CLEC16A: variants seen among roughly 807,000 people sequenced by gnomAD.
The protein encoded by CLEC16A is protein CLEC16A.
CLEC16A carries 51 observed loss-of-function variants against 109.5 expected under a neutral mutation model. The ratio of observed to expected loss-of-function variants is 0.47; its 90% confidence interval spans 0.37 to 0.59. The LOEUF (loss-of-function observed/expected upper bound fraction) is 0.59. CLEC16A is among the 20% of genes least tolerant of loss of function. The probability of loss-of-function intolerance (pLI) is 0.00; values close to 1 mark genes in which losing one functional copy is unlikely to be tolerated. For synonymous variants in CLEC16A, 673 were observed against 564.2 expected (o/e 1.19, Z -2.73); for missense variants, 1,339 against 1,394.0 (o/e 0.96, Z 0.63).
intron 19 of CLEC16A, among the ~76,000 whole-genome samples, chr16:11,120,320 A>T (rs1400750517): frequency 6.6e-6 from 1 of 152,274 alleles, no homozygotes; most frequent in African/African-American, 2.4e-5. Flanking sequence ...TGCAGTAAAC[A>T]TTGGACAGAT....
At chr16:10,969,774 G>A (rs2042693033) in intron 4 of CLEC16A, among the ~76,000 whole-genome samples, 1 of 152,160 alleles carries the variant, frequency 6.6e-6, no homozygotes, top group African/African-American at 2.4e-5. Context: ...ACTCCAGTCA[G>A]GGCTGGTTTT....
intron 9 of CLEC16A, among the ~76,000 whole-genome samples, chr16:10,980,804 G>T (rs2043279200): frequency 6.6e-6 from 1 of 152,110 alleles, no homozygotes; most frequent in African/African-American, 2.4e-5. Flanking sequence ...ATGAAAATGT[G>T]ACCTAAATGT....
intron 23 of CLEC16A, among the ~76,000 whole-genome samples, chr16:11,173,010 T>A (rs1320459128): frequency 3.3e-5 from 5 of 152,018 alleles, no homozygotes; most frequent in Admixed American, 1.3e-4. Flanking sequence ...GCAGGGAGCT[T>A]CCCCGGCTTC....
chr16:10,996,597 C>G (rs1035020197), intron 10 of CLEC16A, among the ~76,000 whole-genome samples: 2 of 152,240 alleles, frequency 1.3e-5, no homozygotes, highest in African/African-American at 4.8e-5. Flanking sequence ...CTAAGCTCCC[C>G]CTATGCCTCC....
At chr16:11,112,039 C>T (rs1029471911) in intron 19 of CLEC16A, among the ~76,000 whole-genome samples, 3 of 152,250 alleles carry the variant, frequency 2.0e-5, no homozygotes, top group Non-Finnish European at 4.4e-5. Context: ...GTGTAGAGTT[C>T]TCCCTACCGT....
At chr16:10,959,014 G>GGGGT (rs756181813) in intron 2 of CLEC16A, among the ~76,000 whole-genome samples, 1 of 146,190 alleles carries the variant, frequency 6.8e-6, no homozygotes, top group African/African-American at 2.5e-5. Flanking sequence ...ACTAAACACG[G>GGGGT]GTGTGTGTGT....
chr16:11,023,567 T>C (rs2046241894), intron 12 of CLEC16A, among the ~76,000 whole-genome samples: 1 of 152,100 alleles, frequency 6.6e-6, no homozygotes, highest in South Asian at 2.1e-4. Context: ...AGTTTTTGTG[T>C]GTCACGTGTG....
rs1171877165 is a variant in CLEC16A, at chr16:11,018,659, G to A, written c.1304-1534G>A. 4.7e-5 allele frequency among the ~76,000 whole-genome samples: 7 copies of A among 149,008 alleles called. No individual in the cohort carries two copies. In the East Asian group the frequency reaches 1.4e-3, roughly 29 times the overall value. On this transcript the variant is annotated intron_variant, in intron 11 of 23. Coordinates refer to ENST00000409790, the MANE Select transcript of CLEC16A (RefSeq NM_015226.3). ...AGCTACTCAGGAGGCTGAGGCAGGAGAATGGTGTGAACCTGGGAGGCGGAG... is the reference window on the plus strand; with the variant it reads ...AGCTACTCAGGAGGCTGAGGCAGGAAAATGGTGTGAACCTGGGAGGCGGAG...
At chr16:11,108,954 CA>C (rs1410758529) in intron 19 of CLEC16A, among the ~76,000 whole-genome samples, 1 of 151,844 alleles carries the variant, frequency 6.6e-6, no homozygotes, top group African/African-American at 2.4e-5. Context: ...ACTAAAAATA[CA>C]AACAAATTAG....
intron 19 of CLEC16A, among the ~76,000 whole-genome samples, chr16:11,094,880 T>A: frequency 6.6e-6 from 1 of 152,342 alleles, no homozygotes; most frequent in East Asian, 1.9e-4. Context: ...AAAGGGGCTG[T>A]GGGCCTTTAA....
chr16:11,058,172 C>T (rs1247822675), intron 18 of CLEC16A, among the ~76,000 whole-genome samples: 1 of 152,212 alleles, frequency 6.6e-6, no homozygotes, highest in Non-Finnish European at 1.5e-5. Flanking sequence ...AATCGGCCCG[C>T]CTCAGATTCA....
chr16:11,082,126 C>CATGT (rs1224732726), intron 19 of CLEC16A, among the ~76,000 whole-genome samples: 1 of 152,218 alleles, frequency 6.6e-6, no homozygotes, highest in Admixed American at 6.5e-5. Flanking sequence ...AAGGTTCGTG[C>CATGT]ATGTCTCCCT....
At chr16:11,030,024 T>G (rs2152825631) in intron 13 of CLEC16A, among the ~76,000 whole-genome samples, 1 of 152,350 alleles carries the variant, frequency 6.6e-6, no homozygotes, top group African/African-American at 2.4e-5. Context: ...TCCACTTAAT[T>G]ATTTTGAGAT....
intron 11 of CLEC16A, among the ~76,000 whole-genome samples, chr16:11,016,344 CT>C (rs1157065905): frequency 6.4e-5 from 7 of 109,054 alleles, no homozygotes; most frequent in South Asian, 5.4e-4. Context: ...TCTTTTTTTT[CT>C]TTTTTTTTCT....
intron 19 of CLEC16A, among the ~76,000 whole-genome samples, chr16:11,099,432 A>G (rs2050782966): frequency 6.6e-6 from 1 of 152,266 alleles, no homozygotes; most frequent in Middle Eastern, 3.2e-3. Flanking sequence ...GGATAGCAAG[A>G]CAACGGAAAA....
In CLEC16A at chr16:10,957,779, C is replaced by T. The variant is rs1451785781; in HGVS notation, c.81-3C>T. ...TAATTTCCTTTTCTCTCATTTCTCTCAGGTATCTGTACCACGTTTTGACCA... is the reference window on the plus strand; with the variant it reads ...TAATTTCCTTTTCTCTCATTTCTCTTAGGTATCTGTACCACGTTTTGACCA... On this transcript the variant is annotated splice_polypyrimidine_tract_variant and splice_region_variant and intron_variant, in intron 1 of 23. Coordinates refer to ENST00000409790, the MANE Select transcript of CLEC16A (RefSeq NM_015226.3). 2 of 1,613,650 alleles carry T rather than the reference C, an allele frequency of 1.2e-6. No homozygotes were observed. The highest frequency in any genetic ancestry group is 1.1e-5 in the South Asian group (1 of 91,070).
At chr16:11,008,900 G>A (rs1314161140) in intron 11 of CLEC16A, among the ~76,000 whole-genome samples, 1 of 151,736 alleles carries the variant, frequency 6.6e-6, no homozygotes, top group Non-Finnish European at 1.5e-5. Flanking sequence ...TCGGGAGGCT[G>A]AGGCAGGAGA....
At chr16:11,107,423 G>A (rs1443862319) in intron 19 of CLEC16A, among the ~76,000 whole-genome samples, 1 of 152,212 alleles carries the variant, frequency 6.6e-6, no homozygotes, top group African/African-American at 2.4e-5. Flanking sequence ...GCTACTTGCA[G>A]CAAATAACCC....
Position 10,982,873 on chromosome 16 carries a change from GC to G in CLEC16A, c.958-3del. 1.3e-6 allele frequency: 2 copies of G among 1,538,094 alleles called. No individual in the cohort carries two copies. Among genetic ancestry groups the G allele is most frequent in the Non-Finnish European group, 1.8e-6 (2 of 1,113,302 alleles). On this transcript the variant is annotated splice_region_variant and splice_polypyrimidine_tract_variant and intron_variant, in intron 9 of 23. Transcript: ENST00000409790. ...TGCAAATCCCGTTTCTTTTTTTTCC[GC>G]CAGGTCTTCTTAATTATACATCATG...
Sources: allele counts gnomAD v4.1 joint callset (sites outside exome capture counted in the v4.1 genomes callset), GRCh38; gene constraint gnomAD v4.1.1; transcripts MANE v1.5; gene names NCBI Gene and HGNC (gene_info 2026-07-23, HGNC 2026-07-21).